XKR9: variants seen among roughly 807,000 people sequenced by gnomAD.
XKR9 encodes the protein XK related 9, also known as XK-related protein 9.
In XKR9, 32 loss-of-function variants were observed where a neutral mutation model predicts 32.0. That is an observed-to-expected ratio of 1.00 (90% CI 0.76 to 1.34). XKR9 has a LOEUF of 1.34. XKR9 is among the 40% of genes most tolerant of loss of function. The pLI is 0.00. For synonymous variants in XKR9, 168 were observed against 143.4 expected, an observed-to-expected ratio of 1.17 and a Z score of -1.22; for missense variants, 546 against 429.7, an observed-to-expected ratio of 1.27 and a Z score of -2.39.
At chr8:70,810,459 A>G in the XKR9 span, among the ~76,000 whole-genome samples, 1 of 152,252 alleles carries the variant, frequency 6.6e-6, no homozygotes, top group East Asian at 1.9e-4. Flanking sequence ...TTAAATGTAA[A>G]TGGGCGAAAT....
At chr8:71,031,206 A>G in the XKR9 span, among the ~76,000 whole-genome samples, 1 of 152,186 alleles carries the variant, frequency 6.6e-6, no homozygotes, top group East Asian at 1.9e-4. Flanking sequence ...TCATGTCTCT[A>G]CACAATTTAT....
intron 3 of XKR9, among the ~76,000 whole-genome samples, chr8:70,685,470 A>T (rs1563421211): frequency 6.9e-6 from 1 of 144,632 alleles, no homozygotes; most frequent in African/African-American, 2.5e-5. Context: ...CATTGCACAC[A>T]TGTACCGTAA....
At chr8:70,980,514 A>G in the XKR9 span, among the ~76,000 whole-genome samples, 1 of 152,164 alleles carries the variant, frequency 6.6e-6, no homozygotes, top group Non-Finnish European at 1.5e-5. Flanking sequence ...AGTTTATGTG[A>G]GTCCTTATGT....
At chr8:70,796,699 A>G in the XKR9 span, among the ~76,000 whole-genome samples, 1 of 152,232 alleles carries the variant, frequency 6.6e-6, no homozygotes, top group Non-Finnish European at 1.5e-5. Context: ...AAGAAATGTC[A>G]ATAGAATACC....
chr8:70,973,373 A>C, the XKR9 span, among the ~76,000 whole-genome samples: 1 of 151,972 alleles, frequency 6.6e-6, no homozygotes, highest in Non-Finnish European at 1.5e-5. Flanking sequence ...TAATCTTGCT[A>C]GTGCTCTATC....
At chr8:70,766,837 T>C (rs1207360422) in intron 2 of XKR9, among the ~76,000 whole-genome samples, 1 of 152,230 alleles carries the variant, frequency 6.6e-6, no homozygotes, top group African/African-American at 2.4e-5. Context: ...AGGCCTTTTC[T>C]ACATCAATTG....
chr8:70,763,833 A>G (rs950641804), intron 2 of XKR9, among the ~76,000 whole-genome samples: 5 of 152,190 alleles, frequency 3.3e-5, no homozygotes, highest in African/African-American at 1.2e-4. Context: ...TTGGGTATAA[A>G]ATTACTGATA....
chr8:70,914,535 T>C, the XKR9 span, among the ~76,000 whole-genome samples: 1 of 152,208 alleles, frequency 6.6e-6, no homozygotes, highest in East Asian at 1.9e-4. Flanking sequence ...TAAAGTGCAT[T>C]GTACAAATCT....
the XKR9 span, among the ~76,000 whole-genome samples, chr8:70,842,183 G>T: frequency 6.6e-6 from 1 of 151,796 alleles, no homozygotes; most frequent in African/African-American, 2.4e-5. Context: ...TGTTTTATTT[G>T]ATGGCTTATA....
chr8:70,967,998 G>A, the XKR9 span, among the ~76,000 whole-genome samples: 1 of 152,152 alleles, frequency 6.6e-6, no homozygotes, highest in Admixed American at 6.5e-5. Flanking sequence ...CTAGGTTGAG[G>A]AAGTGCTCCT....
chr8:70,992,837 T>G, the XKR9 span, among the ~76,000 whole-genome samples: 7 of 152,208 alleles, frequency 4.6e-5, no homozygotes, highest in African/African-American at 1.7e-4. Context: ...CTCAGAGGTC[T>G]GAGTCCAGAT....
chr8:70,676,669 T>G (rs555678821), intron 2 of XKR9, among the ~76,000 whole-genome samples: 3 of 152,314 alleles, frequency 2.0e-5, no homozygotes, highest in African/African-American at 7.2e-5. Flanking sequence ...AGTAACAGTT[T>G]CTGTTTCTTG....
intron 2 of XKR9, among the ~76,000 whole-genome samples, chr8:70,754,844 C>G (rs905096525): frequency 6.6e-6 from 1 of 151,740 alleles, no homozygotes; most frequent in East Asian, 1.9e-4. Context: ...ATTCAGGACA[C>G]AGGCATGGGC....
the XKR9 span, among the ~76,000 whole-genome samples, chr8:70,982,320 G>A: frequency 3.3e-5 from 5 of 152,190 alleles, no homozygotes; most frequent in Admixed American, 3.3e-4. Context: ...GGCAGGGATA[G>A]GGGTGTGTGA....
At chr8:70,711,657 A>G (rs1805924315) in intron 4 of XKR9, among the ~76,000 whole-genome samples, 1 of 147,144 alleles carries the variant, frequency 6.8e-6, no homozygotes, top group Non-Finnish European at 1.5e-5. Context: ...GTGAGGATCA[A>G]AAAACTATGT....
At chr8:70,805,948 T>C in the XKR9 span, among the ~76,000 whole-genome samples, 9 of 152,156 alleles carry the variant, frequency 5.9e-5, no homozygotes, top group Non-Finnish European at 8.8e-5. Context: ...GCCACCAAAC[T>C]GAGTGAGACC....
intron 4 of XKR9, among the ~76,000 whole-genome samples, chr8:70,709,809 A>G (rs1042142947): frequency 3.9e-5 from 6 of 152,126 alleles, no homozygotes; most frequent in Admixed American, 3.9e-4. Context: ...GGTGACACAA[A>G]CAAATGGAAA....
the XKR9 span, among the ~76,000 whole-genome samples, chr8:70,969,867 C>G: frequency 6.6e-6 from 1 of 152,160 alleles, no homozygotes. Flanking sequence ...GCAATATACA[C>G]TATGCCCAGT....
the XKR9 span, among the ~76,000 whole-genome samples, chr8:70,994,169 A>C: frequency 3.3e-5 from 5 of 152,132 alleles, no homozygotes; most frequent in Non-Finnish European, 7.4e-5. Context: ...ACCAAGTCAA[A>C]GATTAATTAA....
Sources: gnomAD v4.1 joint callset for allele counts (sites outside exome capture counted in the v4.1 genomes callset) on GRCh38, gnomAD v4.1.1 for gene constraint, MANE v1.5 for transcripts, NCBI Gene and HGNC (gene_info 2026-07-23, HGNC 2026-07-21) for gene names.